Variants in MIA2 observed in about 807,000 individuals in gnomAD.
MIA2 encodes the protein MIA SH3 domain ER export factor 2.
MIA2 carries 127 observed loss-of-function variants against 167.8 expected under a neutral mutation model. The ratio of observed to expected loss-of-function variants is 0.76; its 90% confidence interval spans 0.66 to 0.88. The LOEUF is 0.88. MIA2 is among the 40% of genes least tolerant of loss of function. MIA2 has a pLI of 0.00. For synonymous variants in MIA2, 552 were observed against 541.9 expected (o/e 1.02, Z -0.26); for missense variants, 1,690 against 1,624.7 (o/e 1.04, Z -0.69).
chr14:39,349,548 T>C (rs541347287), intron 28 of MIA2, among the ~76,000 whole-genome samples: 2 of 152,228 alleles, frequency 1.3e-5, no homozygotes, highest in East Asian at 1.9e-4. Context: ...AGAATAAATA[T>C]GTGGTTACCA....
chr14:39,265,817 A>G (rs1444763830), intron 6 of MIA2: 1 of 245,846 alleles, frequency 4.1e-6, no homozygotes, highest in East Asian at 1.7e-4. Context: ...GCTTGTTTTG[A>G]CTTTAATGAA....
intron 9 of MIA2, among the ~76,000 whole-genome samples, chr14:39,289,356 G>A (rs181879772): frequency 1.0e-3 from 153 of 151,910 alleles, no homozygotes; most frequent in African/African-American, 3.5e-3. Flanking sequence ...CTGGGATTAC[G>A]AGTACACGTC....
rs528072655 is a variant in MIA2 at position 39,259,267 on chromosome 14, C to G, written c.1887+6096C>G. Reference sequence around the variant, plus strand: ...TGTCTGTAAGCCCCTAACTGGGGCTCTTACCTTTCCTTCAGAGATGCCCTG... The same window carrying G: ...TGTCTGTAAGCCCCTAACTGGGGCTGTTACCTTTCCTTCAGAGATGCCCTG... On this transcript the variant is annotated intron_variant, in intron 6 of 28. Coordinates refer to ENST00000640607, the MANE Select transcript of MIA2 (RefSeq NM_001329214.4). Among the ~76,000 whole-genome samples the G allele has an allele frequency of 3.3e-5, 5 of 152,338 alleles. 1 individual carries two copies. Among genetic ancestry groups the G allele is most frequent in the African/African-American group, 1.2e-4 (5 of 41,586 alleles).
In MIA2 at chr14:39,294,040, A is replaced by T; in HGVS notation, c.2360A>T (p.Glu787Val). Residue 787 changes from glutamate to valine, a missense_variant, in exon 12 of 29, where the codon GAG becomes GTG. By Grantham distance (121) the Glu-to-Val change is moderately radical. Transcript: ENST00000640607. ...AAAAGGATACAGTCTCTAGAAGATGAGTCAAAATCCCTCAAATCACAAGTA... is the reference window on the plus strand; with the variant it reads ...AAAAGGATACAGTCTCTAGAAGATGTGTCAAAATCCCTCAAATCACAAGTA... The part of the protein sequence containing the change: ...ISKRIQSLED[E>V]SKSLKSQVAE... 6.2e-7 allele frequency: 1 copy of T among 1,612,250 alleles called. No individual in the cohort carries two copies. Among genetic ancestry groups the T allele is most frequent in the South Asian group, 1.1e-5 (1 of 90,888 alleles).
intron 6 of MIA2, among the ~76,000 whole-genome samples, chr14:39,274,069 GATTA>G (rs1251657384): frequency 1.3e-5 from 2 of 152,116 alleles, no homozygotes; most frequent in Admixed American, 6.5e-5. Flanking sequence ...TTGTCAACCT[GATTA>G]ATTGATTTTT....
chr14:39,359,989 C>T (rs1386093771), intron 23 of MIA2, among the ~76,000 whole-genome samples: 2 of 98,006 alleles, frequency 2.0e-5, no homozygotes, highest in African/African-American at 9.1e-5. Context: ...TCCTCTGCAG[C>T]ATGTTTTTTT....
At chr14:39,248,523 C>CT (rs1566596763) in intron 4 of MIA2, among the ~76,000 whole-genome samples, 1 of 151,432 alleles carries the variant, frequency 6.6e-6, no homozygotes, top group Non-Finnish European at 1.5e-5. Context: ...CAGTAATTTT[C>CT]TTTTTTTGTT....
intron 9 of MIA2, among the ~76,000 whole-genome samples, chr14:39,287,205 C>G (rs1401387153): frequency 1.3e-5 from 2 of 152,154 alleles, no homozygotes; most frequent in Non-Finnish European, 2.9e-5. Context: ...TCCCAAGTAG[C>G]TGGGACTACA....
Position 39,321,014 on chromosome 14 carries a change from C to A in MIA2, c.3454C>A (p.Pro1152Thr). Residue 1152 changes from proline (P) to threonine (T), a missense_variant, in exon 24 of 29, where the codon CCA (proline) becomes ACA (threonine). Transcript: ENST00000640607. ...FLSPPTLLEG[P>T]LRLSPLLPGG... is the part of the protein sequence containing the mutation. ...CTCTCCTCCAACTTTGTTGGAGGGTCCACTCAGACTCTCACCTTTGCTTCC... is the reference window on the plus strand; with the variant it reads ...CTCTCCTCCAACTTTGTTGGAGGGTACACTCAGACTCTCACCTTTGCTTCC... 6.2e-7 allele frequency: 1 copy of A among 1,613,476 alleles called. No homozygotes were observed. The highest frequency in any genetic ancestry group is 8.5e-7 in the Non-Finnish European group (1 of 1,179,492).
chr14:39,278,943 C>T (rs2152749115), intron 7 of MIA2, among the ~76,000 whole-genome samples: 1 of 152,062 alleles, frequency 6.6e-6, no homozygotes, highest in East Asian at 1.9e-4. Flanking sequence ...GGTGGATCAC[C>T]TGAGGTCAGG....
At chr14:39,285,838 C>T (rs1303397132) in intron 9 of MIA2, among the ~76,000 whole-genome samples, 2 of 151,772 alleles carry the variant, frequency 1.3e-5, no homozygotes, top group Non-Finnish European at 2.9e-5. Context: ...CCTCACCTCC[C>T]AGACGGGGTC....
At chr14:39,249,024 C>G (rs1220216166) in intron 4 of MIA2, among the ~76,000 whole-genome samples, 1 of 152,164 alleles carries the variant, frequency 6.6e-6, no homozygotes, top group Non-Finnish European at 1.5e-5. Flanking sequence ...CAGGTGTGAG[C>G]CATCGTGCCT....
At chr14:39,300,058 G>GT in intron 14 of MIA2, 72 bp downstream of exon 14, 6 of 1,531,568 alleles carry the variant, frequency 3.9e-6, no homozygotes, top group Non-Finnish European at 4.4e-6. Flanking sequence ...TTGAAAGCTA[G>GT]TTTTTAGCAA....
Position 39,350,232 on chromosome 14 carries a change from A to G in MIA2, c.4207A>G (p.Thr1403Ala). 1.3e-6 allele frequency: 2 copies of G among 1,513,628 alleles called. No homozygotes were observed. The highest frequency in any genetic ancestry group is 1.8e-6 in the Non-Finnish European group (2 of 1,130,100). 93.8% of individuals were successfully genotyped at this position (1,513,628 alleles called of 1,614,324 possible). A position where few individuals can be genotyped will look rare whatever the true frequency, so the allele number is the denominator to read the frequency against. ...GLIPPSNEPA[T>A]EHPEPQQET is the part of the protein sequence containing the mutation. ...GATTCCACCTTCAAATGAGCCTGCTACTGAACATCCAGAACCACAGCAAGA... is the reference window on the plus strand; with the variant it reads ...GATTCCACCTTCAAATGAGCCTGCTGCTGAACATCCAGAACCACAGCAAGA... The change falls in exon 29 of 29, where the codon ACT becomes GCT. Residue 1403 changes from threonine to alanine, a missense_variant. Thr to Ala is a moderately conservative substitution (Grantham distance 58, BLOSUM62 0). Coordinates refer to ENST00000640607, the MANE Select transcript of MIA2 (RefSeq NM_001329214.4).
At chr14:39,282,806 C>A (rs2059134974) in intron 9 of MIA2, among the ~76,000 whole-genome samples, 1 of 152,180 alleles carries the variant, frequency 6.6e-6, no homozygotes, top group African/African-American at 2.4e-5. Context: ...CTCCCTGGCT[C>A]AGGTGATCCT....
chr14:39,268,542 T>TA (rs1164677182), intron 6 of MIA2, among the ~76,000 whole-genome samples: 2 of 152,076 alleles, frequency 1.3e-5, no homozygotes, highest in Non-Finnish European at 2.9e-5. Flanking sequence ...CTGTATTACT[T>TA]AGAGTGTAAA....
intron 25 of MIA2, among the ~76,000 whole-genome samples, chr14:39,332,414 A>G (rs2069119704): frequency 6.6e-6 from 1 of 151,904 alleles, no homozygotes; most frequent in Non-Finnish European, 1.5e-5. Flanking sequence ...GGCGGAGTTT[A>G]TTACTCACCT....
chr14:39,288,460 T>TTTTTG (rs2060185680), intron 9 of MIA2, among the ~76,000 whole-genome samples: 3 of 15,962 alleles, frequency 1.9e-4, no homozygotes, highest in African/African-American at 5.7e-4. Flanking sequence ...TATATATATA[T>TTTTTG]ATATATATAT....
intron 13 of MIA2, among the ~76,000 whole-genome samples, chr14:39,297,611 G>A (rs1490860736): frequency 6.6e-6 from 1 of 150,960 alleles, no homozygotes; most frequent in African/African-American, 2.4e-5. Flanking sequence ...CACCTGGATA[G>A]ATGTCCCAGA....
Sources: gnomAD v4.1 joint callset for allele counts (sites outside exome capture counted in the v4.1 genomes callset) on GRCh38, gnomAD v4.1.1 for gene constraint, MANE v1.5 for transcripts, NCBI Gene and HGNC (gene_info 2026-07-23, HGNC 2026-07-21) for gene names.